Variants in HEATR5A observed in about 807,000 individuals in gnomAD.
HEATR5A encodes HEAT repeat-containing protein 5A.
HEATR5A carries 178 observed loss-of-function variants against 218.8 expected under a neutral mutation model. The ratio of observed to expected loss-of-function variants is 0.81; its 90% CI spans 0.72 to 0.92. HEATR5A has a LOEUF of 0.92. Among genes scored for constraint, HEATR5A ranks in the 40% least tolerant of loss-of-function variants. The pLI, the probability that HEATR5A is intolerant of heterozygous loss-of-function variation, is 0.00. For missense variants in HEATR5A, 2,420 were observed against 2,418.9 expected (o/e 1.00, Z -0.01); for synonymous variants, 864 against 871.6 (o/e 0.99, Z 0.15).
intron 1 of HEATR5A, among the ~76,000 whole-genome samples, chr14:31,403,478 C>G (rs573559644): frequency 1.1e-4 from 16 of 152,312 alleles, no homozygotes; most frequent in African/African-American, 3.4e-4. Context: ...CTCTCTGAGC[C>G]TTTGCCTAGC....
intron 22 of HEATR5A, among the ~76,000 whole-genome samples, chr14:31,336,213 CAT>C (rs371848651): frequency 0.15 from 13,864 of 90,702 alleles, 1,609 homozygotes; most frequent in East Asian, 0.35. Flanking sequence ...TATATACATA[CAT>C]ACATATATAT....
intron 5 of HEATR5A, 60 bp from the exon 6 acceptor site, chr14:31,394,286 C>A: frequency 1.9e-6 from 2 of 1,075,154 alleles, no homozygotes; most frequent in Non-Finnish European, 1.3e-6. Flanking sequence ...AGGTTCAGAG[C>A]TATGTAAGTT....
chr14:31,332,067 G>A (rs1900491486), intron 22 of HEATR5A, among the ~76,000 whole-genome samples: 3 of 152,174 alleles, frequency 2.0e-5, no homozygotes, highest in Admixed American at 6.5e-5. Context: ...TTTGGCAAAA[G>A]GTTTACGTGT....
rs556262300 is a variant in HEATR5A at position 31,332,079 on chromosome 14, T to C, written c.3367+5397A>G. ...TGATTTGGCAAAAGGTTTACGTGTG[T>C]ATATGGAGGGAGATGTCGATAAAAT... On this transcript the variant is annotated intron_variant, in intron 22 of 35. Coordinates refer to ENST00000543095, the MANE Select transcript of HEATR5A (RefSeq NM_015473.4). Among the ~76,000 whole-genome samples, 6 of 152,322 alleles carry C rather than the reference T, an allele frequency of 3.9e-5. No individual in the cohort carries two copies. In the East Asian group the frequency reaches 1.2e-3, roughly 29 times the overall value.
chr14:31,362,629 A>C (rs1427855271), intron 14 of HEATR5A, among the ~76,000 whole-genome samples: 1 of 149,442 alleles, frequency 6.7e-6, no homozygotes, highest in Non-Finnish European at 1.5e-5. Context: ...AAAAAAAAAA[A>C]AACTAGCTGG....
chr14:31,403,780 G>C (rs1402913681), intron 1 of HEATR5A, among the ~76,000 whole-genome samples: 3 of 152,174 alleles, frequency 2.0e-5, no homozygotes. Flanking sequence ...TAAAATTATT[G>C]TTTTATTCAA....
Position 31,296,081 on chromosome 14 carries a change from A to G in HEATR5A, c.5465-18T>C. On this transcript the variant is annotated intron_variant, in intron 33 of 35. Coordinates refer to ENST00000543095, the MANE Select transcript of HEATR5A (RefSeq NM_015473.4). The stretch of plus-strand genomic sequence containing the variant: ...TTCATCAACTAAAGAGAAATGCTCT[A>G]TTAGAAACAGTTCATATTTACTGCT... 1 of 1,608,272 alleles carries G rather than the reference A, an allele frequency of 6.2e-7. No homozygotes were observed. The highest frequency in any genetic ancestry group is 1.7e-5 in the Admixed American group (1 of 59,716).
intron 32 of HEATR5A, among the ~76,000 whole-genome samples, chr14:31,304,479 G>A (rs1682262163): frequency 6.6e-6 from 1 of 151,890 alleles, no homozygotes; most frequent in Non-Finnish European, 1.5e-5. Context: ...GTGCAATGGC[G>A]TGATCCTGGC....
intron 22 of HEATR5A, among the ~76,000 whole-genome samples, chr14:31,335,860 G>A (rs962579447): frequency 6.6e-6 from 1 of 151,968 alleles, no homozygotes; most frequent in Non-Finnish European, 1.5e-5. Flanking sequence ...TCGCTATGTT[G>A]GCCAGGCTGG....
At position 31,360,346 on chromosome 14, in the gene HEATR5A, T is replaced by A. The variant is rs1349896948; in HGVS notation, c.2072-1289A>T. Reference sequence around the variant, plus strand: ...TAATTTGTTCTTCTATCTGTACTTTTTAAAAAAAATAAATTGGTAGTTGTA... The same window carrying A: ...TAATTTGTTCTTCTATCTGTACTTTATAAAAAAAATAAATTGGTAGTTGTA... On this transcript the variant is annotated intron_variant, in intron 14 of 35. Transcript: ENST00000543095. Among the ~76,000 whole-genome samples, 6 of 152,300 alleles carry A rather than the reference T, an allele frequency of 3.9e-5. No individual in the cohort carries two copies. The South Asian group carries it at 6.2e-4, about 16-fold the overall frequency.
At chr14:31,328,205 C>T (rs1227206573) in intron 22 of HEATR5A, among the ~76,000 whole-genome samples, 2 of 152,086 alleles carry the variant, frequency 1.3e-5, no homozygotes, top group East Asian at 3.9e-4. Context: ...CCCGCCTCAG[C>T]CTCCCAAAGT....
chr14:31,348,082 C>T (rs1438798939), intron 18 of HEATR5A, among the ~76,000 whole-genome samples, 175 bp from the exon 19 acceptor site: 1 of 152,098 alleles, frequency 6.6e-6, no homozygotes, highest in East Asian at 1.9e-4. Flanking sequence ...AGGCATCTTG[C>T]AAAGGAAAAC....
chr14:31,385,548 T>C (rs1182282428), intron 9 of HEATR5A, among the ~76,000 whole-genome samples: 1 of 152,084 alleles, frequency 6.6e-6, no homozygotes, highest in Admixed American at 6.6e-5. Flanking sequence ...AGACAGAAAG[T>C]AAATTCATGG....
rs200347879 is a variant in HEATR5A at position 31,358,904 on chromosome 14, A to G, written c.2225T>C (p.Ile742Thr). The G allele has an allele frequency of 2.8e-5, 45 of 1,596,702 alleles. No individual in the cohort carries two copies. The highest frequency in any genetic ancestry group is 3.7e-5 in the Non-Finnish European group (44 of 1,173,872). The change falls in exon 15 of 36, where the codon ATT (isoleucine) becomes ACT (threonine). Residue 742 changes from isoleucine (I) to threonine (T), a missense_variant. Physicochemically the swap from Ile to Thr is moderately conservative, Grantham distance 89. Coordinates refer to ENST00000543095, the MANE Select transcript of HEATR5A (RefSeq NM_015473.4). Reference sequence around the variant, plus strand: ...AAAAAATGGCCATACCTGTTCTTCAATAAATCTATGGTCAGTCTCTTGTAG... The same window carrying G: ...AAAAAATGGCCATACCTGTTCTTCAGTAAATCTATGGTCAGTCTCTTGTAG... ...PFLQETDHRF[I>T]EEQLLLGNGV... is the part of the protein sequence containing the mutation.
intron 11 of HEATR5A, among the ~76,000 whole-genome samples, chr14:31,376,340 A>C (rs79036156): frequency 0.016 from 2,471 of 152,234 alleles, 152 homozygotes; most frequent in Admixed American, 0.11. Flanking sequence ...ACACACCGAA[A>C]TCTTTCTACA....
At chr14:31,386,835 A>C (rs1012395775) in intron 8 of HEATR5A, among the ~76,000 whole-genome samples, 1 of 152,182 alleles carries the variant, frequency 6.6e-6, no homozygotes, top group African/African-American at 2.4e-5. Flanking sequence ...GAGAGAGAGA[A>C]CTCATGGGAA....
chr14:31,365,599 A>G (rs903655387), intron 13 of HEATR5A, among the ~76,000 whole-genome samples: 1 of 150,886 alleles, frequency 6.6e-6, no homozygotes, highest in Non-Finnish European at 1.5e-5. Context: ...TGACCTCGTG[A>G]TGCACCCACC....
chr14:31,313,009 A>G lies in HEATR5A; in HGVS notation c.4400T>C (p.Leu1467Ser), dbSNP rs774138492. 6 of 1,614,016 alleles carry G rather than the reference A, an allele frequency of 3.7e-6. No individual in the cohort carries two copies. The highest frequency in any genetic ancestry group is 5.1e-6 in the Non-Finnish European group (6 of 1,179,872). Residue 1467 changes from leucine (L) to serine (S), a missense_variant, in exon 28 of 36, where the codon TTA (leucine) becomes TCA (serine). Transcript: ENST00000543095. ...WLAALQDFAL[L>S]TLPSEFASQL... is the part of the protein sequence containing the mutation. ...GGAGGCAAATTCTGAAGGCAAAGTT[A>G]AAAGAGCAAAATCCTGAAGTGCAGC...
chr14:31,337,335 G>GGAAT (rs1396300419), intron 22 of HEATR5A, 141 bp downstream of exon 22: 1 of 680,432 alleles, frequency 1.5e-6, no homozygotes, highest in Non-Finnish European at 2.4e-6. Context: ...ATCACTGGTT[G>GGAAT]GAATAACTGT....
Sources: allele counts gnomAD v4.1 joint callset (sites outside exome capture counted in the v4.1 genomes callset), GRCh38; gene constraint gnomAD v4.1.1; transcripts MANE v1.5; gene names NCBI Gene and HGNC (gene_info 2026-07-23, HGNC 2026-07-21).